PARD3: variants seen among roughly 807,000 people sequenced by gnomAD.
PARD3 encodes par-3 family cell polarity regulator.
A neutral mutation model predicts 155.4 loss-of-function variants in PARD3; 75 were observed. That is an observed-to-expected ratio of 0.48 (90% CI 0.40 to 0.58). PARD3 has a LOEUF of 0.58. Among genes scored for constraint, PARD3 ranks in the 20% least tolerant of loss-of-function variants. PARD3 has a pLI of 0.00. For missense variants in PARD3, 1,642 were observed against 1,721.7 expected (o/e 0.95, Z 0.82); for synonymous variants, 576 against 610.5 (o/e 0.94, Z 0.83).
At chr10:34,368,078 C>T (rs139989190) in intron 12 of PARD3, among the ~76,000 whole-genome samples, 3 of 152,232 alleles carry the variant, frequency 2.0e-5, no homozygotes, top group South Asian at 2.1e-4. Flanking sequence ...GGCGAAACCC[C>T]GTTCTACTAA....
At chr10:34,143,197 G>A (rs765768720) in intron 22 of PARD3, among the ~76,000 whole-genome samples, 3 of 152,096 alleles carry the variant, frequency 2.0e-5, no homozygotes, top group Admixed American at 6.5e-5. Flanking sequence ...GTGCATGCCT[G>A]TAGTTCCAGC....
intron 15 of PARD3, chr10:34,344,262 G>A (rs1350861264): frequency 1.5e-5 from 12 of 781,010 alleles, no homozygotes; most frequent in African/African-American, 2.0e-5. Context: ...TGGTTTTTTT[G>A]TTTGTTTGTT....
At chr10:34,317,031 A>T in intron 20 of PARD3, 76 bp downstream of exon 20, 1 of 1,367,486 alleles carries the variant, frequency 7.3e-7, no homozygotes, top group Non-Finnish European at 9.8e-7. Flanking sequence ...TACCGTGTCC[A>T]GTTTTTAGTA....
intron 3 of PARD3, among the ~76,000 whole-genome samples, chr10:34,472,367 G>A (rs1052900603): frequency 1.3e-5 from 2 of 152,000 alleles, no homozygotes; most frequent in Non-Finnish European, 2.9e-5. Context: ...GAACAAGGTC[G>A]CAAAAATACA....
At chr10:34,734,322 CTTTTTTTTTTTTTT>C (rs142307338) in intron 1 of PARD3, among the ~76,000 whole-genome samples, 6 of 68,008 alleles carry the variant, frequency 8.8e-5, no homozygotes, top group South Asian at 7.9e-4. Context: ...ATATGGGGCC[CTTTTTTTTTTTTTT>C]TTTTTTTTTT....
chr10:34,790,237 G>T (rs7069244), intron 1 of PARD3, among the ~76,000 whole-genome samples: 53,652 of 152,092 alleles, frequency 0.35, 10,615 homozygotes, highest in African/African-American at 0.55. Flanking sequence ...TAGAGTGTAT[G>T]TGTTTAAATA....
At chr10:34,638,100 T>C (rs1440653237) in intron 2 of PARD3, among the ~76,000 whole-genome samples, 1 of 152,084 alleles carries the variant, frequency 6.6e-6, no homozygotes, top group Admixed American at 6.5e-5. Context: ...AAAAGATAAT[T>C]TGGACATTGT....
At chr10:34,669,772 G>A (rs1429923748) in intron 2 of PARD3, among the ~76,000 whole-genome samples, 1 of 152,054 alleles carries the variant, frequency 6.6e-6, no homozygotes, top group Non-Finnish European at 1.5e-5. Flanking sequence ...GCATTAAAAT[G>A]TGATTTAAAA....
At chr10:34,355,072 A>T (rs1277757851) in intron 14 of PARD3, among the ~76,000 whole-genome samples, 2 of 152,204 alleles carry the variant, frequency 1.3e-5, no homozygotes, top group Non-Finnish European at 2.9e-5. Context: ...GCAGTGGCTC[A>T]CAGGCGTAAT....
intron 24 of PARD3, among the ~76,000 whole-genome samples, chr10:34,116,271 C>T (rs1046914605): frequency 2.0e-5 from 3 of 152,208 alleles, no homozygotes; most frequent in East Asian, 3.8e-4. Flanking sequence ...TCTAATGCAA[C>T]GGATACAAAG....
intron 4 of PARD3, among the ~76,000 whole-genome samples, chr10:34,456,859 C>T (rs990675742): frequency 6.6e-6 from 1 of 152,106 alleles, no homozygotes; most frequent in Admixed American, 6.6e-5. Context: ...CATTCTGATA[C>T]ATACTCAGTA....
chr10:34,199,012 A>G (rs1446085683), intron 22 of PARD3, among the ~76,000 whole-genome samples: 1 of 152,168 alleles, frequency 6.6e-6, no homozygotes, highest in East Asian at 1.9e-4. Context: ...AGATGATCCA[A>G]GCATGCAACC....
At chr10:34,385,882 G>C (rs1195007176) in intron 7 of PARD3, among the ~76,000 whole-genome samples, 2 of 152,164 alleles carry the variant, frequency 1.3e-5, no homozygotes. Context: ...ACTGAATGAA[G>C]GCATGATTGA....
At chr10:34,284,951 TG>T (rs1424871379) in intron 20 of PARD3, among the ~76,000 whole-genome samples, 1 of 152,198 alleles carries the variant, frequency 6.6e-6, no homozygotes, top group Non-Finnish European at 1.5e-5. Context: ...TTTCTGCAGA[TG>T]GGTGCTGAGC....
intron 20 of PARD3, among the ~76,000 whole-genome samples, chr10:34,297,373 T>C (rs1956955926): frequency 6.6e-6 from 1 of 152,212 alleles, no homozygotes; most frequent in Non-Finnish European, 1.5e-5. Context: ...ATTTGATGTG[T>C]GATAACTGGC....
At chr10:34,322,386 T>C (rs545143083) in intron 19 of PARD3, among the ~76,000 whole-genome samples, 1 of 152,334 alleles carries the variant, frequency 6.6e-6, no homozygotes, top group East Asian at 1.9e-4. Flanking sequence ...ACTCTAGAAC[T>C]CAAGTTATGT....
At chr10:34,734,211 T>C (rs1367432147) in intron 1 of PARD3, among the ~76,000 whole-genome samples, 1 of 151,934 alleles carries the variant, frequency 6.6e-6, no homozygotes, top group Non-Finnish European at 1.5e-5. Context: ...AGTAAATTCA[T>C]TATATCAACA....
intron 15 of PARD3, 58 bp from the exon 16 acceptor site, chr10:34,341,874 T>C: frequency 9.6e-7 from 1 of 1,042,382 alleles, no homozygotes. Flanking sequence ...GTGTTACATC[T>C]ATTAATTTTA....
chr10:34,424,717 G>A (rs981333724), intron 5 of PARD3, among the ~76,000 whole-genome samples: 2 of 151,986 alleles, frequency 1.3e-5, no homozygotes, highest in Admixed American at 6.6e-5. Flanking sequence ...GTTTCGTCAT[G>A]TTGCCCAGGC....
Sources: gnomAD v4.1 joint callset for allele counts (sites outside exome capture counted in the v4.1 genomes callset) on GRCh38, gnomAD v4.1.1 for gene constraint, MANE v1.5 for transcripts, NCBI Gene and HGNC (gene_info 2026-07-23, HGNC 2026-07-21) for gene names.